The following TCF7L2 variants were observed in gnomAD, a reference collection of about 807,000 sequenced individuals.
TCF7L2 encodes the protein transcription factor 7-like 2.
Under a neutral mutation model 77.9 loss-of-function variants are expected in TCF7L2, and 23 were observed. The ratio of observed to expected loss-of-function variants is 0.30; its 90% CI spans 0.21 to 0.42. The LOEUF (loss-of-function observed/expected upper bound fraction) is 0.42, where lower values mean the gene tolerates loss of function less well. TCF7L2 is among the 10% of genes least tolerant of loss of function. TCF7L2 has a pLI of 1.00. For synonymous variants in TCF7L2, 413 were observed against 340.2 expected, an observed-to-expected ratio of 1.21 and a Z score of -2.36; for missense variants, 654 against 793.1, an observed-to-expected ratio of 0.82 and a Z score of 2.11.
At chr10:113,032,467 G>A (rs1212984096) in intron 4 of TCF7L2, among the ~76,000 whole-genome samples, 1 of 152,202 alleles carries the variant, frequency 6.6e-6, no homozygotes, top group African/African-American at 2.4e-5. Flanking sequence ...AAACAATTCA[G>A]TGTTTGTCCA....
chr10:112,979,502 A>T (rs2040078237), intron 4 of TCF7L2, among the ~76,000 whole-genome samples: 1 of 152,170 alleles, frequency 6.6e-6, no homozygotes, highest in Non-Finnish European at 1.5e-5. Context: ...CATGCCTGTA[A>T]TTCCAGCACT....
At chr10:113,086,824 C>T (rs1399479012) in intron 5 of TCF7L2, among the ~76,000 whole-genome samples, 1 of 151,036 alleles carries the variant, frequency 6.6e-6, no homozygotes, top group Non-Finnish European at 1.5e-5. Flanking sequence ...GTTGTATATA[C>T]ATTTGAACTT....
At chr10:112,987,148 G>A (rs2041699134) in intron 4 of TCF7L2, among the ~76,000 whole-genome samples, 1 of 152,094 alleles carries the variant, frequency 6.6e-6, no homozygotes, top group African/African-American at 2.4e-5. Context: ...AGAACTATTC[G>A]AGATACACTT....
At chr10:113,058,529 C>G (rs192771536) in intron 5 of TCF7L2, among the ~76,000 whole-genome samples, 2 of 152,244 alleles carry the variant, frequency 1.3e-5, no homozygotes, top group African/African-American at 4.8e-5. Context: ...CTGTGATCCT[C>G]CGGGCAGCTC....
At position 113,151,704 on chromosome 10, in the gene TCF7L2, G is replaced by A. The variant is rs760261240; in HGVS notation, c.1002-21G>A. On this transcript the variant is annotated intron_variant, in intron 9 of 13. Coordinates refer to ENST00000627217, the MANE Select transcript of TCF7L2 (RefSeq NM_001146274.2). The surrounding 1 kb of genome is among the most constrained non-coding windows in gnomAD (Gnocchi z 5.2). ...ACCACGACCTTGTTTATTGGGTTGC[G>A]TCTGTTTTGTCTATCTCCAGAAAGC... 1.1e-5 allele frequency: 17 copies of A among 1,568,680 alleles called. No homozygotes were observed. Among genetic ancestry groups the A allele is most frequent in the Middle Eastern group, 1.7e-4 (1 of 5,850 alleles).
intron 5 of TCF7L2, among the ~76,000 whole-genome samples, chr10:113,118,888 T>C (rs146308837): frequency 5.3e-5 from 8 of 152,270 alleles, no homozygotes; most frequent in Admixed American, 5.2e-4. Context: ...AATTTAATTT[T>C]CTTTGCTATT....
Position 113,126,595 on chromosome 10 carries a change from G to A in TCF7L2, c.553-14589G>A, listed in dbSNP as rs931034920. On this transcript the variant is annotated intron_variant, in intron 5 of 13. Transcript: ENST00000627217. ...TTTAAACGCCCCCTCCCTTTTGTGGGGGGGTGGGTTGTTGTGGAATCGGGG... is the reference window on the plus strand; with the variant it reads ...TTTAAACGCCCCCTCCCTTTTGTGGAGGGGTGGGTTGTTGTGGAATCGGGG... 30 of 985,158 alleles carry A rather than the reference G, an allele frequency of 3.0e-5. No homozygotes were observed. The African/African-American group carries it at 5.2e-4, about 17-fold the overall frequency. 61.0% of individuals were successfully genotyped at this position (985,158 alleles called of 1,614,324 possible).
Position 113,165,748 on chromosome 10 carries a change from C to G in TCF7L2, c.1585C>G (p.Leu529Val), listed in dbSNP as rs2137651991. The change falls in exon 14 of 14, where the codon CTG (leucine) becomes GTG (valine). Residue 529 changes from leucine to valine, a missense_variant. Around this residue, in one of 6 missense-constraint regions of TCF7L2, gnomAD observed 272 missense variants for 215.4 expected, o/e 1.26. Coordinates refer to ENST00000627217, the MANE Select transcript of TCF7L2 (RefSeq NM_001146274.2). ...CCTGAAGCCCGACCCCCTGGCCCAC[C>G]TGTCCATGATGCCTCCGCCACCCGC... The G allele has an allele frequency of 6.2e-7, 1 of 1,612,802 alleles. No individual in the cohort carries two copies. The highest frequency in any genetic ancestry group is 8.5e-7 in the Non-Finnish European group (1 of 1,179,460).
intron 5 of TCF7L2, among the ~76,000 whole-genome samples, chr10:113,079,638 A>G (rs1210197728): frequency 2.0e-5 from 3 of 152,086 alleles, no homozygotes; most frequent in South Asian, 2.1e-4. Context: ...GACCTGTTAT[A>G]CTTATTCTGG....
chr10:113,080,996 G>A (rs1321395646), intron 5 of TCF7L2, among the ~76,000 whole-genome samples: 1 of 152,178 alleles, frequency 6.6e-6, no homozygotes, highest in Non-Finnish European at 1.5e-5. Context: ...CCAGGAACCT[G>A]TTATTTACAT....
rs376776984 is a variant in TCF7L2 at position 112,984,185 on chromosome 10, G to A, written c.450+19561G>A. On this transcript the variant is annotated intron_variant, in intron 4 of 13. Transcript: ENST00000627217. ...GTGTTGGTCAATAGACTTTCCCCCC[G>A]TACTTACCTCCTTTTGACTTGGGGA... Among the ~76,000 whole-genome samples, 7 of 152,250 alleles carry A rather than the reference G, an allele frequency of 4.6e-5. No individual in the cohort carries two copies. In the South Asian group the frequency reaches 1.2e-3, roughly 27 times the overall value.
At chr10:112,966,552 G>A (rs996560069) in intron 4 of TCF7L2, among the ~76,000 whole-genome samples, 4 of 152,088 alleles carry the variant, frequency 2.6e-5, no homozygotes, top group African/African-American at 9.7e-5. Flanking sequence ...TACATCTCGG[G>A]TAGTGCTGGA....
intron 13 of TCF7L2, among the ~76,000 whole-genome samples, chr10:113,162,525 G>A (rs907306768): frequency 2.6e-5 from 4 of 152,066 alleles, no homozygotes; most frequent in Non-Finnish European, 5.9e-5. Flanking sequence ...TCTGCCAACC[G>A]AAAACCTTTG....
At chr10:113,069,029 T>A (rs750117460) in intron 5 of TCF7L2, among the ~76,000 whole-genome samples, 7 of 151,662 alleles carry the variant, frequency 4.6e-5, no homozygotes, top group South Asian at 2.1e-4. Context: ...ATCCTTGACA[T>A]GGGTGTCCTG....
chr10:113,148,894 C>G (rs941783933), intron 8 of TCF7L2, among the ~76,000 whole-genome samples: 1 of 152,176 alleles, frequency 6.6e-6, no homozygotes, highest in African/African-American at 2.4e-5. Context: ...AGAAGTTTGT[C>G]TGCACCCCAA....
At chr10:113,138,692 GT>G (rs1432301462) in intron 5 of TCF7L2, among the ~76,000 whole-genome samples, 1 of 152,086 alleles carries the variant, frequency 6.6e-6, no homozygotes, top group Non-Finnish European at 1.5e-5. Context: ...CTTTTCCTGG[GT>G]TCCTTAAGAA....
chr10:113,152,583 TC>T lies in TCF7L2; in HGVS notation c.1269+145del, dbSNP rs534052022. ...CCCGCTTTGGGGACTGGTAGCATCT[TC>T]CTGGATCGCTAAACTGCAGGGAGGG... On this transcript the variant is annotated intron_variant, in intron 11 of 13. Coordinates refer to ENST00000627217, the MANE Select transcript of TCF7L2 (RefSeq NM_001146274.2). The T allele has an allele frequency of 4.1e-4, 264 of 641,076 alleles. 2 individuals carry two copies. The highest frequency in any genetic ancestry group is 2.7e-3 in the South Asian group (138 of 51,020). The allele number at this position is 641,076 out of a possible 1,614,324, so 39.7% of individuals were successfully genotyped here.
intron 10 of TCF7L2, 150 bp from the exon 11 acceptor site, chr10:113,152,183 G>A (rs185228125): frequency 2.8e-4 from 228 of 810,360 alleles, no homozygotes; most frequent in Non-Finnish European, 4.3e-4. Flanking sequence ...CCCAGCCGAC[G>A]GTCAGTATGT....
intron 5 of TCF7L2, among the ~76,000 whole-genome samples, chr10:113,060,151 T>C (rs1022392466): frequency 2.6e-5 from 4 of 152,198 alleles, no homozygotes; most frequent in Non-Finnish European, 5.9e-5. Flanking sequence ...GGTTGGAATT[T>C]TAAAAAACAA....
Sources: gnomAD v4.1 joint callset for allele counts (sites outside exome capture counted in the v4.1 genomes callset) on GRCh38, gnomAD v4.1.1 for gene constraint, gnomAD v4.1.1 regional missense constraint, Gnocchi (gnomAD v3.1) non-coding constraint, MANE v1.5 for transcripts, NCBI Gene and HGNC (gene_info 2026-07-23, HGNC 2026-07-21) for gene names.